Variants in LUZP2 observed in about 807,000 individuals in gnomAD.
LUZP2 encodes leucine zipper protein 2.
LUZP2 carries 52 observed loss-of-function variants against 51.6 expected under a neutral mutation model. The ratio of observed to expected loss-of-function variants is 1.01; its 90% CI spans 0.81 to 1.27. The LOEUF (loss-of-function observed/expected upper bound fraction) is 1.27. LUZP2 is among the 50% of genes most tolerant of loss of function. The pLI is 0.00. For synonymous variants in LUZP2, 154 were observed against 137.3 expected, an observed-to-expected ratio of 1.12 and a Z score of -0.85; for missense variants, 436 against 395.4, an observed-to-expected ratio of 1.10 and a Z score of -0.87.
intron 1 of LUZP2, among the ~76,000 whole-genome samples, chr11:24,523,225 A>G (rs12420246): frequency 0.09 from 13,662 of 151,956 alleles, 611 homozygotes; most frequent in East Asian, 0.11. Flanking sequence ...CTTTGTCTTT[A>G]TATACGATGC....
At chr11:24,738,754 T>C (rs961415369) in intron 4 of LUZP2, among the ~76,000 whole-genome samples, 1 of 152,044 alleles carries the variant, frequency 6.6e-6, no homozygotes, top group Admixed American at 6.6e-5. Flanking sequence ...AGTTGATGAA[T>C]CAAACTCCTC....
intron 1 of LUZP2, among the ~76,000 whole-genome samples, chr11:24,555,683 A>G (rs1358966438): frequency 6.6e-6 from 1 of 152,194 alleles, no homozygotes; most frequent in Non-Finnish European, 1.5e-5. Flanking sequence ...TAAGAAATAA[A>G]TGTTATCCAA....
chr11:24,870,694 T>G (rs1852042379), intron 5 of LUZP2, among the ~76,000 whole-genome samples: 1 of 152,032 alleles, frequency 6.6e-6, no homozygotes, highest in African/African-American at 2.4e-5. Context: ...CTGAAGAAAT[T>G]TGGTCTATTT....
chr11:24,844,139 A>T (rs1213657691), intron 5 of LUZP2, among the ~76,000 whole-genome samples: 9 of 152,194 alleles, frequency 5.9e-5, no homozygotes, highest in Admixed American at 5.9e-4. Flanking sequence ...AAAATGTGGG[A>T]AAGTTTGAAA....
At chr11:24,948,824 C>CATCTATCTATCT (rs67058181) in intron 7 of LUZP2, among the ~76,000 whole-genome samples, 2 of 122,540 alleles carry the variant, frequency 1.6e-5, no homozygotes, top group African/African-American at 5.2e-5. Flanking sequence ...ATCTATCTAT[C>CATCTATCTATCT]ATCTATCTAT....
At chr11:24,888,944 G>T (rs1363409905) in intron 5 of LUZP2, among the ~76,000 whole-genome samples, 1 of 152,070 alleles carries the variant, frequency 6.6e-6, no homozygotes, top group African/African-American at 2.4e-5. Context: ...GTTTCCTGAG[G>T]CCTCCCCAGC....
chr11:24,975,088 C>G (rs1465340533), intron 7 of LUZP2, among the ~76,000 whole-genome samples: 1 of 151,950 alleles, frequency 6.6e-6, no homozygotes, highest in Non-Finnish European at 1.5e-5. Context: ...TTAATATAAC[C>G]TCTCACATGC....
intron 1 of LUZP2, among the ~76,000 whole-genome samples, chr11:24,623,597 G>T (rs745607407): frequency 5.3e-5 from 8 of 152,116 alleles, no homozygotes; most frequent in Non-Finnish European, 1.2e-4. Context: ...TGTAATCCCA[G>T]CATTTTGGGA....
At chr11:24,915,684 G>GGATA (rs956456646) in intron 7 of LUZP2, among the ~76,000 whole-genome samples, 8 of 151,554 alleles carry the variant, frequency 5.3e-5, no homozygotes, top group African/African-American at 1.7e-4. Flanking sequence ...ATAGATAGAT[G>GGATA]GATAGATAGA....
chr11:24,678,212 C>G (rs1271990253), intron 1 of LUZP2, among the ~76,000 whole-genome samples: 1 of 151,840 alleles, frequency 6.6e-6, no homozygotes, highest in African/African-American at 2.4e-5. Context: ...ATCCAGTGTC[C>G]AGGACAATCA....
chr11:24,808,514 C>T (rs1849919714), intron 5 of LUZP2, among the ~76,000 whole-genome samples: 2 of 152,018 alleles, frequency 1.3e-5, no homozygotes, highest in African/African-American at 4.8e-5. Flanking sequence ...TTCCAAAGCC[C>T]AATGTTATAT....
At chr11:24,994,506 T>G (rs1856441391) in intron 9 of LUZP2, among the ~76,000 whole-genome samples, 3 of 152,192 alleles carry the variant, frequency 2.0e-5, no homozygotes, top group African/African-American at 4.8e-5. Flanking sequence ...TATCTGACAG[T>G]GTTTGCAGTG....
At chr11:25,048,549 T>G (rs531236915) in intron 9 of LUZP2, among the ~76,000 whole-genome samples, 1 of 152,302 alleles carries the variant, frequency 6.6e-6, no homozygotes, top group Admixed American at 6.5e-5. Context: ...GAACACTGGC[T>G]TGTTCATTGG....
rs150085188 is a variant in LUZP2 at position 24,852,640 on chromosome 11, G to A, written c.397-53351G>A. The stretch of plus-strand genomic sequence containing the variant: ...TTAGGTCTTCTTGGTCCAGAGCTGC[G>A]TTCAAGTCCTGAGTATCTTTGTTAA... On this transcript the variant is annotated intron_variant, in intron 5 of 11. Coordinates refer to ENST00000336930, the MANE Select transcript of LUZP2 (RefSeq NM_001009909.4). 4.3e-3 allele frequency among the ~76,000 whole-genome samples: 662 copies of A among 152,226 alleles called. 4 individuals are homozygous for A. Among genetic ancestry groups the A allele is most frequent in the African/African-American group, 0.015 (610 of 41,538 alleles).
intron 10 of LUZP2, among the ~76,000 whole-genome samples, chr11:25,070,554 T>A (rs541906499): frequency 1.8e-4 from 28 of 151,992 alleles, no homozygotes; most frequent in Admixed American, 9.2e-4. Context: ...TATATAAGGT[T>A]TGCACACCAG....
intron 5 of LUZP2, among the ~76,000 whole-genome samples, chr11:24,815,796 C>A (rs1850163101): frequency 6.6e-6 from 1 of 151,600 alleles, no homozygotes; most frequent in Non-Finnish European, 1.5e-5. Flanking sequence ...GTCAAAATGT[C>A]CCTTATAAAA....
intron 1 of LUZP2, among the ~76,000 whole-genome samples, chr11:24,667,364 T>G (rs1856250795): frequency 1.3e-5 from 2 of 151,968 alleles, no homozygotes; most frequent in Non-Finnish European, 2.9e-5. Context: ...TTTTTGTATT[T>G]GTAGTAGAGA....
At chr11:24,975,115 G>A (rs963726099) in intron 7 of LUZP2, among the ~76,000 whole-genome samples, 1 of 151,780 alleles carries the variant, frequency 6.6e-6, no homozygotes, top group Non-Finnish European at 1.5e-5. Flanking sequence ...CTGTTTTCTA[G>A]CTTCACTTTC....
chr11:24,897,482 A>G (rs570589987), intron 5 of LUZP2, among the ~76,000 whole-genome samples: 37 of 152,078 alleles, frequency 2.4e-4, no homozygotes, highest in African/African-American at 8.2e-4. Flanking sequence ...GGAATGAACA[A>G]CTCTGGACGG....
Sources: allele counts gnomAD v4.1 joint callset (sites outside exome capture counted in the v4.1 genomes callset), GRCh38; gene constraint gnomAD v4.1.1; transcripts MANE v1.5; gene names NCBI Gene and HGNC (gene_info 2026-07-23, HGNC 2026-07-21).